Variants in GATAD2B observed in about 807,000 individuals in gnomAD.
GATAD2B encodes GATA zinc finger domain containing 2B.
GATAD2B carries 8 observed loss-of-function variants against 64.3 expected under a neutral mutation model. The observed-to-expected ratio is 0.12, with a 90% CI of 0.07 to 0.22. The LOEUF (loss-of-function observed/expected upper bound fraction) is 0.22. Among genes scored for constraint, GATAD2B ranks in the 10% least tolerant of loss-of-function variants. The pLI is 1.00. For missense variants in GATAD2B, 453 were observed against 752.0 expected (o/e 0.60, Z 4.65); for synonymous variants, 281 against 271.3 (o/e 1.04, Z -0.35).
At chr1:153,904,960 G>C (rs1328287551) in intron 1 of GATAD2B, among the ~76,000 whole-genome samples, 1 of 152,012 alleles carries the variant, frequency 6.6e-6, no homozygotes, top group Non-Finnish European at 1.5e-5. Context: ...GCCTGCCTTG[G>C]CCTCCCGAAG....
At chr1:153,892,604 C>G (rs1677450717) in intron 1 of GATAD2B, among the ~76,000 whole-genome samples, 1 of 151,662 alleles carries the variant, frequency 6.6e-6, no homozygotes, top group African/African-American at 2.4e-5. Flanking sequence ...TCTGGACATT[C>G]ATCGCTTCTG....
chr1:153,822,569 A>G (rs950308466), intron 2 of GATAD2B, among the ~76,000 whole-genome samples: 180 of 152,230 alleles, frequency 1.2e-3, no homozygotes, highest in African/African-American at 4.2e-3. Flanking sequence ...CTGGAGGGCA[A>G]TGGTGCAATC....
intron 2 of GATAD2B, among the ~76,000 whole-genome samples, chr1:153,827,786 C>T (rs1674934787): frequency 6.6e-6 from 1 of 152,082 alleles, no homozygotes; most frequent in African/African-American, 2.4e-5. Context: ...CTAGAAATGA[C>T]CATTTTTTCT....
intron 1 of GATAD2B, among the ~76,000 whole-genome samples, chr1:153,914,227 CAAAAAAAA>C (rs759245034): frequency 1.1e-4 from 7 of 65,960 alleles, no homozygotes; most frequent in African/African-American, 3.6e-4. Context: ...CCCAGACTCT[CAAAAAAAA>C]AAAAAAAAAA....
rs559178460 is a variant in GATAD2B at position 153,842,285 on chromosome 1, C to T, written c.-1-13937G>A. 1.4e-3 allele frequency among the ~76,000 whole-genome samples: 215 copies of T among 152,274 alleles called. 1 individual carries two copies. The highest frequency in any genetic ancestry group is 2.7e-3 in the Non-Finnish European group (181 of 68,022). ...AATTCTCTTCTGTGAAACTTCTGTT[C>T]ATGTCTTTTGCTCATTTCCTAACCG... On this transcript the variant is annotated intron_variant, in intron 1 of 10. Coordinates refer to ENST00000368655, the MANE Select transcript of GATAD2B (RefSeq NM_020699.4).
At chr1:153,875,705 A>G (rs1570980528) in intron 1 of GATAD2B, among the ~76,000 whole-genome samples, 2 of 140,176 alleles carry the variant, frequency 1.4e-5, no homozygotes, top group Non-Finnish European at 3.1e-5. Context: ...AAAAAAAAAA[A>G]GGTAGCCACA....
At chr1:153,873,768 A>AC (rs1676742042) in intron 1 of GATAD2B, among the ~76,000 whole-genome samples, 1 of 152,162 alleles carries the variant, frequency 6.6e-6, no homozygotes, top group Non-Finnish European at 1.5e-5. Context: ...ACATAGTGAG[A>AC]CCCCATCTCT....
chr1:153,918,872 A>G (rs1040203557), intron 1 of GATAD2B, among the ~76,000 whole-genome samples: 1 of 152,044 alleles, frequency 6.6e-6, no homozygotes, highest in Admixed American at 6.6e-5. Flanking sequence ...AATCACTTGA[A>G]CCCAGGAGGC....
intron 1 of GATAD2B, among the ~76,000 whole-genome samples, chr1:153,916,191 C>A (rs1678257817): frequency 6.7e-6 from 1 of 148,578 alleles, no homozygotes; most frequent in Non-Finnish European, 1.5e-5. Context: ...TGAAGCAGAA[C>A]AATCACTTGA....
intron 1 of GATAD2B, among the ~76,000 whole-genome samples, chr1:153,902,829 G>A (rs751130194): frequency 2.0e-5 from 3 of 152,008 alleles, no homozygotes; most frequent in East Asian, 1.9e-4. Context: ...ATCCTCTAAC[G>A]TACCTATGTT....
At chr1:153,869,556 C>T (rs111237020) in intron 1 of GATAD2B, among the ~76,000 whole-genome samples, 4,943 of 152,142 alleles carry the variant, frequency 0.032, 100 homozygotes, top group Middle Eastern at 0.11. Flanking sequence ...ACTTTTTTGG[C>T]AATTTATTAG....
chr1:153,834,535 TG>T (rs1675201784), intron 1 of GATAD2B, among the ~76,000 whole-genome samples: 1 of 152,098 alleles, frequency 6.6e-6, no homozygotes, highest in Non-Finnish European at 1.5e-5. Context: ...ATTACAGGCA[TG>T]TGCCACCCCA....
chr1:153,917,994 T>A (rs1678322985), intron 1 of GATAD2B, among the ~76,000 whole-genome samples: 1 of 152,232 alleles, frequency 6.6e-6, no homozygotes, highest in Non-Finnish European at 1.5e-5. Context: ...AGCCATTCTC[T>A]GTGGGGAAAC....
intron 1 of GATAD2B, among the ~76,000 whole-genome samples, chr1:153,890,088 C>T (rs1327058032): frequency 6.6e-6 from 1 of 151,182 alleles, no homozygotes; most frequent in Non-Finnish European, 1.5e-5. Context: ...AGAAGAATCA[C>T]TTAAACCCGG....
intron 1 of GATAD2B, among the ~76,000 whole-genome samples, chr1:153,839,108 CAAAAAAAAAAAAAA>C (rs35262137): frequency 2.4e-4 from 19 of 78,574 alleles, no homozygotes; most frequent in Admixed American, 1.2e-3. Flanking sequence ...GACCCTGTCT[CAAAAAAAAAAAAAA>C]AAAAAAAAAA....
At chr1:153,858,087 T>C (rs576993463) in intron 1 of GATAD2B, among the ~76,000 whole-genome samples, 336 of 152,300 alleles carry the variant, frequency 2.2e-3, no homozygotes, top group Non-Finnish European at 3.7e-3. Context: ...ACTTCAAGAA[T>C]AGGATCAAGG....
intron 1 of GATAD2B, among the ~76,000 whole-genome samples, chr1:153,844,247 A>G (rs1447359413): frequency 6.6e-6 from 1 of 152,076 alleles, no homozygotes; most frequent in Non-Finnish European, 1.5e-5. Flanking sequence ...TGGAGCAAGC[A>G]CTACCCAGAA....
intron 1 of GATAD2B, among the ~76,000 whole-genome samples, chr1:153,865,930 C>A (rs977368334): frequency 4.6e-5 from 7 of 152,120 alleles, no homozygotes; most frequent in African/African-American, 1.7e-4. Context: ...TGAGGCCGGG[C>A]ACAGTGGCTC....
rs1333748613 is a variant in GATAD2B, at chr1:153,813,233, G to A, written c.1419+17C>T. On this transcript the variant is annotated intron_variant, in intron 8 of 10. Coordinates refer to ENST00000368655, the MANE Select transcript of GATAD2B (RefSeq NM_020699.4). ...ACAAACTGGGACAGGTGGCCAGTGA[G>A]CAGTCAGAATTCTTACCTGTTCCTG... 6.2e-7 allele frequency: 1 copy of A among 1,603,356 alleles called. No homozygotes were observed. Among genetic ancestry groups the A allele is most frequent in the Admixed American group, 1.7e-5 (1 of 60,010 alleles).
Sources: allele counts gnomAD v4.1 joint callset (sites outside exome capture counted in the v4.1 genomes callset), GRCh38; gene constraint gnomAD v4.1.1; transcripts MANE v1.5; gene names NCBI Gene and HGNC (gene_info 2026-07-23, HGNC 2026-07-21).